Variants in DUSP22 observed in about 807,000 individuals in gnomAD.
The protein encoded by DUSP22 is dual specificity protein phosphatase 22.
In DUSP22, 24 loss-of-function variants were observed where a neutral mutation model predicts 24.5. That is an observed-to-expected ratio of 0.98 (90% CI 0.71 to 1.38). The LOEUF (loss-of-function observed/expected upper bound fraction) is 1.38. Among genes scored for constraint, DUSP22 ranks in the 40% most tolerant of loss-of-function variants. The pLI, the probability that DUSP22 is intolerant of heterozygous loss-of-function variation, is 0.00. For synonymous variants in DUSP22, 160 were observed against 106.4 expected (o/e 1.50, Z -3.10); for missense variants, 330 against 269.2 (o/e 1.23, Z -1.58).
rs1295083843 is a variant in DUSP22 at position 330,867 on chromosome 6, C to G, written c.139-4247C>G. 5.9e-5 allele frequency among the ~76,000 whole-genome samples: 9 copies of G among 152,300 alleles called. No homozygotes were observed. The East Asian group carries it at 1.5e-3, about 26-fold the overall frequency. ...TGCAGCATCTTCCAAATTTTTACATCACGTGGTTTTATACCGGTTGTTCTA... is the reference window on the plus strand; with the variant it reads ...TGCAGCATCTTCCAAATTTTTACATGACGTGGTTTTATACCGGTTGTTCTA... On this transcript the variant is annotated intron_variant, in intron 3 of 6. Coordinates refer to ENST00000419235, the MANE Select transcript of DUSP22 (RefSeq NM_001286555.3).
At chr6:321,057 A>G (rs1380151856) in intron 3 of DUSP22, among the ~76,000 whole-genome samples, 1 of 152,304 alleles carries the variant, frequency 6.6e-6, no homozygotes, top group Non-Finnish European at 1.5e-5. Flanking sequence ...AGGGCAGACA[A>G]GACAGCAAGG....
At chr6:330,097 C>T (rs1198673058) in intron 3 of DUSP22, among the ~76,000 whole-genome samples, 1 of 152,292 alleles carries the variant, frequency 6.6e-6, no homozygotes, top group African/African-American at 2.4e-5. Context: ...TCATGGGACT[C>T]ATTTTCAAAT....
chr6:341,405 T>A (rs1332832689), intron 4 of DUSP22, among the ~76,000 whole-genome samples: 1 of 152,312 alleles, frequency 6.6e-6, no homozygotes, highest in African/African-American at 2.4e-5. Context: ...TGTGGGTATT[T>A]CCCACTGTGG....
At chr6:346,979 C>T (rs1046264514) in intron 5 of DUSP22, among the ~76,000 whole-genome samples, 2 of 152,300 alleles carry the variant, frequency 1.3e-5, no homozygotes, top group Non-Finnish European at 2.9e-5. Flanking sequence ...CAGTTTCATA[C>T]AGTTCTTGAA....
Position 349,927 on chromosome 6 carries a change from C to T in DUSP22, c.*976C>T, listed in dbSNP as rs1024934879. 28 of 985,794 alleles carry T rather than the reference C, an allele frequency of 2.8e-5. No individual in the cohort carries two copies. The highest frequency in any genetic ancestry group is 1.2e-4 in the African/African-American group (7 of 57,290). 61.1% of individuals were successfully genotyped at this position (985,794 alleles called of 1,614,324 possible). On this transcript the variant is annotated 3_prime_UTR_variant, in exon 7 of 7. Transcript: ENST00000419235. ...CCAGCTTCATTCACTCCCAGCCTCT[C>T]GCTGTCCTCACTTTGCAGGGGCTCC... is the stretch of plus-strand genomic sequence containing the variant.
At chr6:347,968 T>C in intron 5 of DUSP22, 135 bp from the exon 6 acceptor site, 1 of 1,328,196 alleles carries the variant, frequency 7.5e-7, no homozygotes, top group Non-Finnish European at 1.0e-6. Context: ...GGTGGCGAGC[T>C]TGCTGTCCAC....
At chr6:329,918 CT>C (rs111238311) in intron 3 of DUSP22, among the ~76,000 whole-genome samples, 716 of 148,404 alleles carry the variant, frequency 4.8e-3, no homozygotes, top group African/African-American at 0.015. Context: ...GCTTTTAATT[CT>C]TTTTTTTTTT....
At chr6:336,298 T>C (rs1231079856) in intron 4 of DUSP22, among the ~76,000 whole-genome samples, 4 of 152,302 alleles carry the variant, frequency 2.6e-5, no homozygotes, top group African/African-American at 7.2e-5. Flanking sequence ...CACAGGGAAG[T>C]TGTAGGCTGT....
At chr6:297,416 A>T (rs892240700) in intron 1 of DUSP22, among the ~76,000 whole-genome samples, 2 of 152,308 alleles carry the variant, frequency 1.3e-5, no homozygotes, top group African/African-American at 4.8e-5. Flanking sequence ...TGTTAGGAAG[A>T]TGAGGGAGTA....
intron 3 of DUSP22, among the ~76,000 whole-genome samples, chr6:330,262 T>G (rs1385399824): frequency 1.3e-5 from 2 of 152,304 alleles, no homozygotes; most frequent in Admixed American, 6.5e-5. Flanking sequence ...ATCCTGGCCC[T>G]TAGGAACTTG....
At chr6:344,802 A>G (rs1319192774) in intron 4 of DUSP22, among the ~76,000 whole-genome samples, 1 of 152,292 alleles carries the variant, frequency 6.6e-6, no homozygotes, top group Non-Finnish European at 1.5e-5. Flanking sequence ...CCGGGAGACC[A>G]GTTTGAGAGA....
At chr6:321,167 A>G (rs1354410955) in intron 3 of DUSP22, among the ~76,000 whole-genome samples, 1 of 152,306 alleles carries the variant, frequency 6.6e-6, no homozygotes, top group Non-Finnish European at 1.5e-5. Flanking sequence ...GATTCTGGGT[A>G]GAGAAAGCTG....
At chr6:316,184 C>T (rs554031530) in intron 3 of DUSP22, among the ~76,000 whole-genome samples, 1 of 152,422 alleles carries the variant, frequency 6.6e-6, no homozygotes, top group African/African-American at 2.4e-5. Flanking sequence ...GTTCTCACAT[C>T]ATCTGTCAGC....
intron 3 of DUSP22, among the ~76,000 whole-genome samples, chr6:324,749 C>T (rs529149379): frequency 9.6e-3 from 1,458 of 151,824 alleles, no homozygotes; most frequent in Non-Finnish European, 0.015. Context: ...AGGGATCATC[C>T]GTGCTGTTTA....
chr6:339,742 A>G (rs1306436302), intron 4 of DUSP22, among the ~76,000 whole-genome samples: 6 of 152,298 alleles, frequency 3.9e-5, no homozygotes, highest in African/African-American at 1.4e-4. Flanking sequence ...ACATCGGTAA[A>G]ACGTCCTTGC....
At chr6:328,947 G>A (rs1264087947) in intron 3 of DUSP22, among the ~76,000 whole-genome samples, 1 of 152,308 alleles carries the variant, frequency 6.6e-6, no homozygotes, top group African/African-American at 2.4e-5. Flanking sequence ...TTCGAATTCT[G>A]CTTTTTCCCT....
At chr6:301,925 A>G (rs908569813) in intron 1 of DUSP22, among the ~76,000 whole-genome samples, 28 of 152,406 alleles carry the variant, frequency 1.8e-4, no homozygotes, top group Non-Finnish European at 3.4e-4. Context: ...AATTTTAAAG[A>G]TAATATAAAA....
chr6:339,976 A>G (rs1325704290), intron 4 of DUSP22, among the ~76,000 whole-genome samples: 1 of 152,302 alleles, frequency 6.6e-6, no homozygotes, highest in Admixed American at 6.5e-5. Flanking sequence ...TCAAGGAGAA[A>G]ATGAGAGCTG....
Position 349,239 on chromosome 6 carries a change from C to G in DUSP22, c.*288C>G. On this transcript the variant is annotated 3_prime_UTR_variant, in exon 7 of 7. Coordinates refer to ENST00000419235, the MANE Select transcript of DUSP22 (RefSeq NM_001286555.3). ...TGTGAGTGCACTTGTGTGTGGGTGA[C>G]TAAGTGGATGCATGTGTGTGCCTGT... 7.3e-7 allele frequency: 1 copy of G among 1,363,024 alleles called. No individual in the cohort carries two copies. Among genetic ancestry groups the G allele is most frequent in the Non-Finnish European group, 9.5e-7 (1 of 1,055,784 alleles). 84.4% of individuals were successfully genotyped at this position (1,363,024 alleles called of 1,614,324 possible).
Sources: allele counts gnomAD v4.1 joint callset (sites outside exome capture counted in the v4.1 genomes callset), GRCh38; gene constraint gnomAD v4.1.1; transcripts MANE v1.5; gene names NCBI Gene and HGNC (gene_info 2026-07-23, HGNC 2026-07-21).